Variants in PHACTR3 observed in about 807,000 individuals in gnomAD.
PHACTR3 encodes the protein protein phosphatase 1, regulatory subunit 123.
A neutral mutation model predicts 66.8 loss-of-function variants in PHACTR3; 16 were observed. That is an observed-to-expected ratio of 0.24 (90% confidence interval 0.16 to 0.36). The LOEUF (loss-of-function observed/expected upper bound fraction) is 0.36. PHACTR3 is among the 10% of genes least tolerant of loss of function. PHACTR3 has a pLI of 1.00. For missense variants in PHACTR3, 647 were observed against 719.9 expected, an observed-to-expected ratio of 0.90 and a Z score of 1.16; for synonymous variants, 323 against 292.1, an observed-to-expected ratio of 1.11 and a Z score of -1.08.
At chr20:59,649,478 GA>G (rs1056550013) in intron 1 of PHACTR3, among the ~76,000 whole-genome samples, 5 of 152,122 alleles carry the variant, frequency 3.3e-5, no homozygotes, top group Non-Finnish European at 5.9e-5. Flanking sequence ...TAACTCGGGG[GA>G]TAAATTATAC....
At chr20:59,580,042 T>C (rs1212654568) in intron 1 of PHACTR3, among the ~76,000 whole-genome samples, 1 of 151,992 alleles carries the variant, frequency 6.6e-6, no homozygotes, top group Non-Finnish European at 1.5e-5. Context: ...CACGTCTGAG[T>C]CTGGAGCTTG....
At chr20:59,763,189 C>T (rs1028080355) in intron 4 of PHACTR3, among the ~76,000 whole-genome samples, 2 of 152,214 alleles carry the variant, frequency 1.3e-5, no homozygotes, top group Non-Finnish European at 2.9e-5. Context: ...TTATAAGAGA[C>T]TCTTCCCCCT....
chr20:59,699,642 TATC>T (rs1218730509), intron 1 of PHACTR3, among the ~76,000 whole-genome samples: 1 of 152,170 alleles, frequency 6.6e-6, no homozygotes, highest in African/African-American at 2.4e-5. Context: ...TGAATACTCT[TATC>T]ATCATCATCA....
intron 1 of PHACTR3, among the ~76,000 whole-genome samples, chr20:59,595,183 C>A (rs1237950815): frequency 6.6e-6 from 1 of 152,072 alleles, no homozygotes; most frequent in Admixed American, 6.5e-5. Context: ...TGTTAATGTG[C>A]CGGGCGTGGT....
At chr20:59,762,463 T>A (rs2040023914) in intron 4 of PHACTR3, among the ~76,000 whole-genome samples, 1 of 152,228 alleles carries the variant, frequency 6.6e-6, no homozygotes, top group Admixed American at 6.5e-5. Context: ...CAGCCGCTTG[T>A]CCAGTGTTCA....
At chr20:59,831,852 C>T (rs570675987) in intron 8 of PHACTR3, among the ~76,000 whole-genome samples, 14 of 152,332 alleles carry the variant, frequency 9.2e-5, no homozygotes, top group African/African-American at 3.4e-4. Flanking sequence ...TTGCCTGCGC[C>T]GGCTCTGGGG....
intron 1 of PHACTR3, among the ~76,000 whole-genome samples, chr20:59,616,969 G>A (rs532694640): frequency 2.4e-4 from 36 of 152,258 alleles, no homozygotes; most frequent in African/African-American, 7.0e-4. Flanking sequence ...TCGCTTCCCC[G>A]TTGGGAGTCT....
chr20:59,692,953 T>G (rs1267722241), intron 1 of PHACTR3, among the ~76,000 whole-genome samples: 2 of 152,264 alleles, frequency 1.3e-5, no homozygotes, highest in East Asian at 3.8e-4. Context: ...TTAATGTTTC[T>G]AAGCCTTAGG....
chr20:59,590,681 A>G (rs1388441836), intron 1 of PHACTR3, among the ~76,000 whole-genome samples: 2 of 152,184 alleles, frequency 1.3e-5, no homozygotes, highest in Non-Finnish European at 2.9e-5. Flanking sequence ...TACAACAACA[A>G]AATATCTTAG....
At chr20:59,788,728 G>A (rs1355697427) in intron 7 of PHACTR3, among the ~76,000 whole-genome samples, 2 of 152,176 alleles carry the variant, frequency 1.3e-5, no homozygotes, top group Non-Finnish European at 2.9e-5. Context: ...TGCACCCTGA[G>A]TTCAGCAGAG....
intron 1 of PHACTR3, among the ~76,000 whole-genome samples, chr20:59,587,213 C>T (rs2033057471): frequency 1.3e-5 from 2 of 152,224 alleles, no homozygotes; most frequent in African/African-American, 2.4e-5. Flanking sequence ...TCTGTGGCTT[C>T]TTCCCTTTGT....
At chr20:59,608,847 C>T (rs997633828) in intron 1 of PHACTR3, among the ~76,000 whole-genome samples, 1 of 152,254 alleles carries the variant, frequency 6.6e-6, no homozygotes, top group Admixed American at 6.5e-5. Context: ...CACTCTTCAA[C>T]ACCTGGGGTT....
chr20:59,824,374 T>C (rs1489883638), intron 8 of PHACTR3, among the ~76,000 whole-genome samples: 1 of 152,228 alleles, frequency 6.6e-6, no homozygotes, highest in Non-Finnish European at 1.5e-5. Context: ...GAAGCCACTA[T>C]TCAAGCAAAG....
intron 1 of PHACTR3, among the ~76,000 whole-genome samples, chr20:59,625,316 G>A (rs1193980115): frequency 1.3e-5 from 2 of 152,046 alleles, no homozygotes; most frequent in Non-Finnish European, 1.5e-5. Context: ...GTTGGGAGGA[G>A]TGGTTGAGAA....
intron 1 of PHACTR3, among the ~76,000 whole-genome samples, chr20:59,685,406 C>T (rs2036825051): frequency 6.6e-6 from 1 of 152,180 alleles, no homozygotes; most frequent in Admixed American, 6.5e-5. Flanking sequence ...CCTGTCTCTA[C>T]CGCCTGCTTG....
intron 3 of PHACTR3, among the ~76,000 whole-genome samples, chr20:59,750,842 C>T (rs561552039): frequency 2.4e-4 from 36 of 151,906 alleles, no homozygotes; most frequent in Middle Eastern, 6.8e-3. Context: ...CTGTAATCAA[C>T]GTGCTGTAAT....
chr20:59,763,833 G>A (rs1340781069), intron 4 of PHACTR3, among the ~76,000 whole-genome samples: 1 of 152,192 alleles, frequency 6.6e-6, no homozygotes, highest in Non-Finnish European at 1.5e-5. Flanking sequence ...TATGTGTCGG[G>A]AAGCCAGAGG....
At chr20:59,798,478 C>G (rs1428473901) in intron 7 of PHACTR3, among the ~76,000 whole-genome samples, 2 of 152,132 alleles carry the variant, frequency 1.3e-5, no homozygotes, top group African/African-American at 4.8e-5. Context: ...GTGCATGTGT[C>G]TGAGACTGCA....
At chr20:59,685,693 G>A (rs1446520709) in intron 1 of PHACTR3, among the ~76,000 whole-genome samples, 1 of 152,276 alleles carries the variant, frequency 6.6e-6, no homozygotes, top group South Asian at 2.1e-4. Context: ...CAGGACACTC[G>A]TCCCCTGCCT....
Sources: gnomAD v4.1 joint callset for allele counts (sites outside exome capture counted in the v4.1 genomes callset) on GRCh38, gnomAD v4.1.1 for gene constraint, MANE v1.5 for transcripts, NCBI Gene and HGNC (gene_info 2026-07-23, HGNC 2026-07-21) for gene names.